Variants in GNG12 observed in about 807,000 individuals in gnomAD.
GNG12 encodes the protein G protein subunit gamma 12.
For synonymous variants in GNG12, 28 were observed against 29.7 expected (o/e 0.94, Z 0.19); for missense variants, 69 against 83.8 (o/e 0.82, Z 0.69).
chr1:67,788,621 A>G (rs79981691), intron 1 of GNG12, among the ~76,000 whole-genome samples: 2,849 of 152,226 alleles, frequency 0.019, 95 homozygotes, highest in African/African-American at 0.065. Flanking sequence ...GATTTAAGGC[A>G]TGAACCACTG....
At chr1:67,816,593 C>G (rs915058179) in intron 1 of GNG12, among the ~76,000 whole-genome samples, 37 of 152,260 alleles carry the variant, frequency 2.4e-4, no homozygotes, top group African/African-American at 8.9e-4. Context: ...CCCAGGTTTC[C>G]AGGTGGGCCC....
Position 67,833,350 on chromosome 1 carries a change from G to C in GNG12, c.-83C>G, listed in dbSNP as rs1287033667. 5.1e-6 allele frequency: 5 copies of C among 982,496 alleles called. No homozygotes were observed. The Admixed American group carries it at 3.1e-4, about 60-fold the overall frequency. The allele number at this position is 982,496 out of a possible 1,614,324, so 60.9% of individuals were successfully genotyped here. On this transcript the variant is annotated 5_prime_UTR_variant, in exon 1 of 4. Coordinates refer to ENST00000370982, the MANE Select transcript of GNG12 (RefSeq NM_018841.6). ...CCCGCCGCTTGGTACTCACCCGCCT[G>C]CCGGTGCGCTGCCCCGCCGTCGCCG...
rs558523292 is a variant in GNG12, at chr1:67,709,861, T to G, written c.-26-2149A>C. On this transcript the variant is annotated intron_variant, in intron 2 of 3. Transcript: ENST00000370982. ...ATATTTGTATATATATTTATATATA[T>G]ATAGTTATATATATATTTATATATA... is the stretch of plus-strand genomic sequence containing the variant. Among the ~76,000 whole-genome samples, 161 of 126,228 alleles carry G rather than the reference T, an allele frequency of 1.3e-3. 2 individuals carry two copies. The highest frequency in any genetic ancestry group is 4.6e-3 in the African/African-American group (150 of 32,744). The allele number at this position is 126,228 out of a possible 152,430, so 82.8% of individuals were successfully genotyped here.
chr1:67,729,123 T>C (rs941305275), intron 2 of GNG12, among the ~76,000 whole-genome samples: 2 of 152,216 alleles, frequency 1.3e-5, no homozygotes, highest in Non-Finnish European at 2.9e-5. Flanking sequence ...TGCCCCATGT[T>C]CCGGGCTGAC....
intron 2 of GNG12, among the ~76,000 whole-genome samples, chr1:67,727,182 T>C (rs1394290736): frequency 6.6e-6 from 1 of 152,260 alleles, no homozygotes; most frequent in Non-Finnish European, 1.5e-5. Flanking sequence ...TTTATTTACT[T>C]ACTTATTTAA....
intron 2 of GNG12, among the ~76,000 whole-genome samples, chr1:67,730,358 G>A (rs923475336): frequency 2.0e-5 from 3 of 152,152 alleles, no homozygotes; most frequent in Non-Finnish European, 4.4e-5. Context: ...AAAATTAGCT[G>A]GGCATGGTGG....
rs182116145 is a variant in GNG12, at chr1:67,719,281, C to A, written c.-26-11569G>T. Among the ~76,000 whole-genome samples the A allele has an allele frequency of 1.5e-3, 228 of 152,238 alleles. 1 individual carries two copies. Among genetic ancestry groups the A allele is most frequent in the African/African-American group, 5.1e-3 (213 of 41,558 alleles). Reference sequence around the variant, plus strand: ...TAGTTCACATCACCTCTTCCAAGGACGGTCTGTCTCCCTAATTAATTTTGT... The same window carrying A: ...TAGTTCACATCACCTCTTCCAAGGAAGGTCTGTCTCCCTAATTAATTTTGT... On this transcript the variant is annotated intron_variant, in intron 2 of 3. Coordinates refer to ENST00000370982, the MANE Select transcript of GNG12 (RefSeq NM_018841.6).
Position 67,729,371 on chromosome 1 carries a change from G to T in GNG12, c.-26-21659C>A, listed in dbSNP as rs569314637. On this transcript the variant is annotated intron_variant, in intron 2 of 3. Coordinates refer to ENST00000370982, the MANE Select transcript of GNG12 (RefSeq NM_018841.6). ...TGCCCTTCCTCTACACAGGAGGCCAGTTCTTTGGACTCAGCTTCTCTCTCT... is the reference window on the plus strand; with the variant it reads ...TGCCCTTCCTCTACACAGGAGGCCATTTCTTTGGACTCAGCTTCTCTCTCT... Among the ~76,000 whole-genome samples, 94 of 152,314 alleles carry T rather than the reference G, an allele frequency of 6.2e-4. 1 individual carries two copies. Among genetic ancestry groups the T allele is most frequent in the African/African-American group, 2.2e-3 (91 of 41,570 alleles).
intron 2 of GNG12, among the ~76,000 whole-genome samples, chr1:67,724,049 AG>A (rs1288977100): frequency 2.6e-5 from 4 of 152,232 alleles, no homozygotes; most frequent in Non-Finnish European, 1.5e-5. Context: ...AGGAATATTT[AG>A]AAAAATTTGG....
At chr1:67,751,467 A>T (rs1646538515) in intron 2 of GNG12, among the ~76,000 whole-genome samples, 1 of 152,138 alleles carries the variant, frequency 6.6e-6, no homozygotes, top group Admixed American at 6.5e-5. Context: ...ACTGTCCCAC[A>T]GTTAGGGTCT....
chr1:67,763,084 C>T (rs1263282463), intron 2 of GNG12, among the ~76,000 whole-genome samples: 7 of 26,784 alleles, frequency 2.6e-4, no homozygotes, highest in Non-Finnish European at 6.5e-4. Flanking sequence ...ACACCCTACC[C>T]TCCCAGGAGA....
At chr1:67,742,446 C>G (rs1646487976) in intron 2 of GNG12, among the ~76,000 whole-genome samples, 1 of 152,120 alleles carries the variant, frequency 6.6e-6, no homozygotes, top group African/African-American at 2.4e-5. Flanking sequence ...AAAACTCCCA[C>G]ATAGACCAAA....
intron 2 of GNG12, among the ~76,000 whole-genome samples, chr1:67,759,416 A>C (rs890331112): frequency 6.6e-6 from 1 of 152,202 alleles, no homozygotes; most frequent in Non-Finnish European, 1.5e-5. Flanking sequence ...CAGTGTAGCC[A>C]TTAAGAAAAC....
chr1:67,800,100 T>C (rs1025894748), intron 1 of GNG12, among the ~76,000 whole-genome samples: 3 of 152,232 alleles, frequency 2.0e-5, no homozygotes, highest in Non-Finnish European at 4.4e-5. Flanking sequence ...TTCTGCTATA[T>C]TAAAATTGAT....
At chr1:67,812,393 A>G (rs1646931240) in intron 1 of GNG12, among the ~76,000 whole-genome samples, 1 of 152,234 alleles carries the variant, frequency 6.6e-6, no homozygotes, top group Admixed American at 6.5e-5. Context: ...AGATAAGGAC[A>G]CTGAGGTATG....
At chr1:67,729,578 A>G (rs545050634) in intron 2 of GNG12, among the ~76,000 whole-genome samples, 56 of 152,052 alleles carry the variant, frequency 3.7e-4, no homozygotes, top group Non-Finnish European at 7.9e-4. Flanking sequence ...CTCCCTTGAT[A>G]TGTGTTGGGA....
At chr1:67,751,526 C>T (rs1646538774) in intron 2 of GNG12, among the ~76,000 whole-genome samples, 1 of 152,176 alleles carries the variant, frequency 6.6e-6, no homozygotes. Context: ...TCTGGGGAAA[C>T]ACTGTCCCCT....
intron 2 of GNG12, among the ~76,000 whole-genome samples, chr1:67,735,899 T>C (rs1646449854): frequency 6.6e-6 from 1 of 152,202 alleles, no homozygotes. Flanking sequence ...GCAAAGAGGA[T>C]CTTCTGATAA....
chr1:67,794,459 C>T (rs557660038), intron 1 of GNG12, among the ~76,000 whole-genome samples: 7 of 152,108 alleles, frequency 4.6e-5, no homozygotes, highest in Non-Finnish European at 7.4e-5. Flanking sequence ...AGAACTGTGA[C>T]GGCCACTTGC....
Sources: allele counts gnomAD v4.1 joint callset (sites outside exome capture counted in the v4.1 genomes callset), GRCh38; gene constraint gnomAD v4.1.1; transcripts MANE v1.5; gene names NCBI Gene and HGNC (gene_info 2026-07-23, HGNC 2026-07-21).